The following NUP214 variants were observed in gnomAD, a reference collection of about 807,000 sequenced individuals.
NUP214 encodes the protein nuclear pore complex protein Nup214.
A neutral mutation model predicts 196.2 loss-of-function variants in NUP214; 79 were observed. The ratio of observed to expected loss-of-function variants is 0.40; its 90% CI spans 0.34 to 0.49. NUP214 has a LOEUF of 0.49. Ranked by LOEUF, NUP214 falls within the 20% of genes least tolerant of loss-of-function variation. The pLI is 0.58. For missense variants in NUP214, 2,468 were observed against 2,539.0 expected (o/e 0.97, Z 0.60); for synonymous variants, 1,020 against 990.5 (o/e 1.03, Z -0.56).
chr9:131,139,158 C>A, intron 9 of NUP214, 123 bp from the exon 10 acceptor site: 3 of 1,150,798 alleles, frequency 2.6e-6, no homozygotes, highest in Middle Eastern at 3.1e-4. Context: ...GAGTCTAAAC[C>A]AAGTGAGTCA....
intron 24 of NUP214, 83 bp from the exon 25 acceptor site, chr9:131,187,206 T>C (rs1833474001): frequency 8.3e-7 from 1 of 1,202,770 alleles, no homozygotes; most frequent in South Asian, 1.2e-5. Context: ...TATTGTATAT[T>C]GGACAGAAGG....
chr9:131,144,540 A>G lies in NUP214; in HGVS notation c.1555A>G (p.Thr519Ala), dbSNP rs776437826. The change falls in exon 12 of 36, where the codon ACC becomes GCC. Residue 519 changes from threonine to alanine, a missense_variant. By Grantham distance (58) the Thr-to-Ala change is moderately conservative. Coordinates refer to ENST00000359428, the MANE Select transcript of NUP214 (RefSeq NM_005085.4). ...AGCAGCCCCAGGCCCTGGCCCATCA[A>G]CCTTCTCTTTTGTTCCCCCTTCTAA... Reference protein sequence around the residue: ...SKAAPGPGPSTFSFVPPSKAS... With the variant: ...SKAAPGPGPSAFSFVPPSKAS... 1.9e-5 allele frequency: 30 copies of G among 1,613,874 alleles called. No homozygotes were observed. The highest frequency in any genetic ancestry group is 2.3e-5 in the Non-Finnish European group (27 of 1,179,960).
chr9:131,125,965 G>A lies in NUP214; in HGVS notation c.45+216G>A. The A allele has an allele frequency of 5.0e-6, 3 of 600,774 alleles. No individual in the cohort carries two copies. The highest frequency in any genetic ancestry group is 4.4e-4 in the Middle Eastern group (1 of 2,292). The allele number at this position is 600,774 out of a possible 1,614,324, so 37.2% of individuals were successfully genotyped here. On this transcript the variant is annotated intron_variant, in intron 1 of 35. Coordinates refer to ENST00000359428, the MANE Select transcript of NUP214 (RefSeq NM_005085.4). The surrounding 1 kb of genome is among the most constrained non-coding windows in gnomAD (Gnocchi z 4.1). Reference sequence around the variant, plus strand: ...TCCTGGTCTCGTGCACGGCTGTTGAGTTACCCTAGCTACTTCCTGGGGCGG... The same window carrying A: ...TCCTGGTCTCGTGCACGGCTGTTGAATTACCCTAGCTACTTCCTGGGGCGG...
intron 28 of NUP214, chr9:131,195,532 GCTTTAA>G: frequency 2.3e-6 from 1 of 435,874 alleles, no homozygotes. Context: ...TCAGGGCTGT[GCTTTAA>G]CATTTAAATG....
At chr9:131,196,028 C>CTT (rs200985171) in intron 28 of NUP214, among the ~76,000 whole-genome samples, 1 of 17,322 alleles carries the variant, frequency 5.8e-5, no homozygotes, top group Non-Finnish European at 2.7e-4. Flanking sequence ...CTGTGTGTCC[C>CTT]CCCCCCCCCC....
chr9:131,209,136 G>A (rs1834165655), intron 30 of NUP214, among the ~76,000 whole-genome samples: 1 of 152,162 alleles, frequency 6.6e-6, no homozygotes, highest in Non-Finnish European at 1.5e-5. Context: ...ACTTTGGGAG[G>A]CTGGGATGGG....
intron 30 of NUP214, among the ~76,000 whole-genome samples, chr9:131,202,232 CTA>C (rs1302527046): frequency 1.3e-5 from 2 of 152,134 alleles, no homozygotes; most frequent in Non-Finnish European, 2.9e-5. Flanking sequence ...TGCATGATTT[CTA>C]TCAGTCCCCT....
intron 31 of NUP214, among the ~76,000 whole-genome samples, chr9:131,219,260 G>A (rs1255238632): frequency 6.6e-6 from 1 of 152,214 alleles, no homozygotes; most frequent in Non-Finnish European, 1.5e-5. Context: ...ACTAAGTGGC[G>A]TAGCCAGGAT....
intron 33 of NUP214, chr9:131,228,590 G>A (rs949721756): frequency 5.7e-6 from 2 of 352,928 alleles, no homozygotes; most frequent in South Asian, 1.1e-4. Flanking sequence ...CAGAGCCCCT[G>A]TTCTCCTGCT....
Position 131,178,490 on chromosome 9 carries a change from C to T in NUP214, c.3419+80C>T, listed in dbSNP as rs1432366424. On this transcript the variant is annotated intron_variant, in intron 24 of 35. Transcript: ENST00000359428. ...GACTGCCTGCAGGGAGCAGCAGTGC[C>T]ACTGTCACAGTCTGGTTTTCCTGCA... 3.0e-6 allele frequency: 3 copies of T among 1,006,126 alleles called. No homozygotes were observed. The South Asian group carries it at 4.1e-5, about 14-fold the overall frequency. The allele number at this position is 1,006,126 out of a possible 1,614,324, so 62.3% of individuals were successfully genotyped here.
rs184237406 is a variant in NUP214 at position 131,174,675 on chromosome 9, A to G, written c.3157+357A>G. Among the ~76,000 whole-genome samples, 507 of 151,982 alleles carry G rather than the reference A, an allele frequency of 3.3e-3. 2 individuals carry two copies. Among genetic ancestry groups the G allele is most frequent in the Middle Eastern group, 0.01 (3 of 294 alleles). ...TGTTGTGTTGGCCAGGCTGGTCTCA[A>G]ACTCCTGACCTCAGGTGATCCACCT... is the stretch of plus-strand genomic sequence containing the variant. On this transcript the variant is annotated intron_variant, in intron 22 of 35. Coordinates refer to ENST00000359428, the MANE Select transcript of NUP214 (RefSeq NM_005085.4).
intron 27 of NUP214, among the ~76,000 whole-genome samples, chr9:131,193,654 T>TTTTTTTTTTTTTTTTTTG (rs1426053721): frequency 8.5e-6 from 1 of 117,498 alleles, no homozygotes; most frequent in Non-Finnish European, 1.8e-5. Flanking sequence ...TTTTTTTTTT[T>TTTTTTTTTTTTTTTTTTG]TTTTTTTTGG....
chr9:131,196,025 T>TCCCTCTCC (rs1554737949), intron 28 of NUP214, among the ~76,000 whole-genome samples: 2 of 3,668 alleles, frequency 5.5e-4, no homozygotes, highest in South Asian at 0.028. Context: ...ACTCTGTGTG[T>TCCCTCTCC]CCCCCCCCCC....
rs747114101 is a variant in NUP214, at chr9:131,198,675, G to A, written c.5181G>A (p.Gly1727=). 6.2e-7 allele frequency: 1 copy of A among 1,614,192 alleles called. No individual in the cohort carries two copies. The highest frequency in any genetic ancestry group is 8.5e-7 in the Non-Finnish European group (1 of 1,180,026). ...GGGTCTTTGGACAGACAACCTTCGG[G>A]CAGGCCTCAGTCTTTGGGCAGTCGG... The part of the protein sequence containing the change: ...APGVFGQTTF[G]QASVFGQSAS... The change falls in exon 29 of 36, where the codon GGG becomes GGA. Residue 1727 remains glycine (G), a synonymous_variant. Coordinates refer to ENST00000359428, the MANE Select transcript of NUP214 (RefSeq NM_005085.4).
At position 131,234,545 on chromosome 9, in the gene NUP214, GT is replaced by G; in HGVS notation, c.*1059del. On this transcript the variant is annotated 3_prime_UTR_variant, in exon 36 of 36. Coordinates refer to ENST00000359428, the MANE Select transcript of NUP214 (RefSeq NM_005085.4). The stretch of plus-strand genomic sequence containing the variant: ...TCTCTTTCAGGCCCAGAATCTGACA[GT>G]GCTTTGGCTTGGGTCATGAGCAGCG... 1 of 232,040 alleles carries G rather than the reference GT, an allele frequency of 4.3e-6. No homozygotes were observed. Among genetic ancestry groups the G allele is most frequent in the Non-Finnish European group, 8.5e-6 (1 of 117,354 alleles). 14.4% of individuals were successfully genotyped at this position (232,040 alleles called of 1,614,324 possible).
intron 32 of NUP214, among the ~76,000 whole-genome samples, chr9:131,227,104 A>T (rs1191002467): frequency 6.6e-6 from 1 of 152,272 alleles, no homozygotes; most frequent in African/African-American, 2.4e-5. Context: ...ATTCAAGAAG[A>T]CACTCACTGA....
intron 35 of NUP214, 133 bp from the exon 36 acceptor site, chr9:131,233,321 G>T: frequency 1.2e-6 from 1 of 853,538 alleles, no homozygotes; most frequent in Non-Finnish European, 1.7e-6. Flanking sequence ...GGGCAATAGA[G>T]TGAGACTCTG....
chr9:131,151,981 G>GA, intron 17 of NUP214, 87 bp downstream of exon 17: 1 of 1,049,302 alleles, frequency 9.5e-7, no homozygotes, highest in Non-Finnish European at 1.3e-6. Flanking sequence ...AGATTTGGAT[G>GA]ATGGCTCTTT....
chr9:131,218,326 A>C (rs1204115152), intron 31 of NUP214, among the ~76,000 whole-genome samples: 3 of 152,218 alleles, frequency 2.0e-5, no homozygotes, highest in Non-Finnish European at 4.4e-5. Context: ...AAAGGAAGGA[A>C]CAGTGGAGAA....
Sources: allele counts gnomAD v4.1 joint callset (sites outside exome capture counted in the v4.1 genomes callset), GRCh38; gene constraint gnomAD v4.1.1; non-coding constraint Gnocchi (gnomAD v3.1); transcripts MANE v1.5; gene names NCBI Gene and HGNC (gene_info 2026-07-23, HGNC 2026-07-21).